Variants in MRPL38 observed in about 807,000 individuals in gnomAD.
MRPL38 encodes the protein mitochondrial ribosomal protein L38, also known as large ribosomal subunit protein mL38.
A neutral mutation model predicts 52.1 loss-of-function variants in MRPL38; 51 were observed. The ratio of observed to expected loss-of-function variants is 0.98; its 90% CI spans 0.78 to 1.24. The LOEUF (loss-of-function observed/expected upper bound fraction) is 1.24. Ranked by LOEUF, MRPL38 falls within the 50% of genes most tolerant of loss-of-function variation. The probability of loss-of-function intolerance (pLI) is 0.00; values close to 1 mark genes in which losing one functional copy is unlikely to be tolerated. For missense variants in MRPL38, 527 were observed against 518.6 expected, an observed-to-expected ratio of 1.02 and a Z score of -0.16; for synonymous variants, 245 against 212.7, an observed-to-expected ratio of 1.15 and a Z score of -1.32.
At position 75,904,852 on chromosome 17, in the gene MRPL38, G is replaced by A. The variant is rs1329639331; in HGVS notation, c.24C>T (p.Ala8=). The A allele has an allele frequency of 3.3e-6, 5 of 1,494,560 alleles. No individual in the cohort carries two copies. The highest frequency in any genetic ancestry group is 5.4e-5 in the East Asian group (2 of 36,984). The allele number at this position is 1,494,560 out of a possible 1,614,324, so 92.6% of individuals were successfully genotyped here. Residue 8 remains alanine (A), a synonymous_variant, in exon 1 of 9, where the codon GCC becomes GCT. Transcript: ENST00000309352. Reference sequence around the variant, plus strand: ...GCCATCTCCGACACTCGCACAGCGCGGCTCGCCACCAGGGCGCCGCCATCT... The same window carrying A: ...GCCATCTCCGACACTCGCACAGCGCAGCTCGCCACCAGGGCGCCGCCATCT... MAAPWWR[A]ALCECRRWRG...
At chr17:75,904,451 G>A in intron 2 of MRPL38, 89 bp downstream of exon 2, 1 of 1,372,904 alleles carries the variant, frequency 7.3e-7, no homozygotes, top group Middle Eastern at 2.1e-4. Flanking sequence ...AAGGGCGCCG[G>A]CAAGGCTCGC....
rs2065387600 is a variant in MRPL38 at position 75,898,740 on chromosome 17, G to T, written c.*110C>A. The T allele has an allele frequency of 3.6e-6, 5 of 1,384,480 alleles. No homozygotes were observed. The highest frequency in any genetic ancestry group is 5.0e-6 in the Non-Finnish European group (5 of 1,009,902). 85.8% of individuals were successfully genotyped at this position (1,384,480 alleles called of 1,614,324 possible). A position where few individuals can be genotyped will look rare whatever the true frequency, so the allele number is the denominator to read the frequency against. On this transcript the variant is annotated 3_prime_UTR_variant, in exon 9 of 9. Transcript: ENST00000309352. Reference sequence around the variant, plus strand: ...GGCCTGACGGGAGGGGGCCAAAGAGGGGGGCTGCCTAAGGCAGGGCCCAGA... The same window carrying T: ...GGCCTGACGGGAGGGGGCCAAAGAGTGGGGCTGCCTAAGGCAGGGCCCAGA...
At chr17:75,900,784 T>A in intron 6 of MRPL38, 198 bp downstream of exon 6, 1 of 1,402,648 alleles carries the variant, frequency 7.1e-7, no homozygotes, top group East Asian at 2.6e-5. Flanking sequence ...CGAGGCCTAC[T>A]GCAAACTTTG....
intron 7 of MRPL38, 46 bp from the exon 8 acceptor site, chr17:75,899,340 G>A (rs367578841): frequency 6.3e-7 from 1 of 1,596,876 alleles, no homozygotes. Flanking sequence ...TGGGGCACCA[G>A]AGCCCCTCAC....
In MRPL38 at chr17:75,901,937, C is replaced by T; in HGVS notation, c.383-17G>A. 6.2e-7 allele frequency: 1 copy of T among 1,609,372 alleles called. No homozygotes were observed. Among genetic ancestry groups the T allele is most frequent in the Non-Finnish European group, 8.5e-7 (1 of 1,177,476 alleles). On this transcript the variant is annotated splice_polypyrimidine_tract_variant and intron_variant, in intron 3 of 8. Transcript: ENST00000309352. This position sits in a 1 kb window ranked among gnomAD's most constrained non-coding sequence, Gnocchi z 5.7. The stretch of plus-strand genomic sequence containing the variant: ...GGACACTGGCTAGACAGGAATAAGG[C>T]CAGTTGGGATACGGGGGTGGGGGGG...
At chr17:75,900,955 C>T in intron 6 of MRPL38, 27 bp downstream of exon 6, 1 of 1,609,300 alleles carries the variant, frequency 6.2e-7, no homozygotes. Context: ...GGGCAGCACC[C>T]CCTACCCCCA....
Position 75,904,594 on chromosome 17 carries a change from C to T in MRPL38, c.193G>A (p.Ala65Thr). The T allele has an allele frequency of 1.3e-6, 2 of 1,590,446 alleles. No homozygotes were observed. Among genetic ancestry groups the T allele is most frequent in the Non-Finnish European group, 1.7e-6 (2 of 1,175,964 alleles). ...GTCCGCCACCAGTGCGGGGCCTGCG[C>T]CTCCTGCTCTGCTCGGCGCCGGTAG... ...DRYRRRAEQE[A>T]QAPHWWRTYR... is the part of the protein sequence containing the mutation. Residue 65 changes from alanine (A) to threonine (T), a missense_variant, in exon 2 of 9, where the codon GCG (alanine) becomes ACG (threonine). Transcript: ENST00000309352.
Position 75,904,275 on chromosome 17 carries a change from G to A in MRPL38, c.247+265C>T, listed in dbSNP as rs997610620. 7.8e-6 allele frequency: 5 copies of A among 640,374 alleles called. No homozygotes were observed. The Admixed American group carries it at 8.4e-5, about 11-fold the overall frequency. The allele number at this position is 640,374 out of a possible 1,614,324, so 39.7% of individuals were successfully genotyped here. On this transcript the variant is annotated intron_variant, in intron 2 of 8. Transcript: ENST00000309352. ...GCATCCCAATCCGGAAAGTCAGGTG[G>A]TCAAGATTTTAGGAGCAAATATTTT...
chr17:75,899,318 G>A (rs2065393122), intron 7 of MRPL38, 24 bp from the exon 8 acceptor site: 5 of 1,608,492 alleles, frequency 3.1e-6, no homozygotes, highest in Non-Finnish European at 4.2e-6. Flanking sequence ...GAGAGCGTAT[G>A]AGAGTGTGGA....
chr17:75,901,987 C>A lies in MRPL38; in HGVS notation c.382+33G>T. 6.2e-7 allele frequency: 1 copy of A among 1,612,346 alleles called. No homozygotes were observed. The highest frequency in any genetic ancestry group is 8.5e-7 in the Non-Finnish European group (1 of 1,178,768). On this transcript the variant is annotated intron_variant, in intron 3 of 8. Coordinates refer to ENST00000309352, the MANE Select transcript of MRPL38 (RefSeq NM_032478.4). The surrounding 1 kb of genome is among the most constrained non-coding windows in gnomAD (Gnocchi z 5.7). Reference sequence around the variant, plus strand: ...GGCAGGGACACACCCTGTACCCCAACTCTGGGATGGCCCCTCCCCTGAGAA... The same window carrying A: ...GGCAGGGACACACCCTGTACCCCAAATCTGGGATGGCCCCTCCCCTGAGAA...
chr17:75,902,192 A>G (rs1440445968), intron 2 of MRPL38, 38 bp from the exon 3 acceptor site: 1 of 1,545,648 alleles, frequency 6.5e-7, no homozygotes, highest in African/African-American at 1.4e-5. Context: ...CAGGGTCATG[A>G]CTCACTGCAG....
rs750505903 is a variant in MRPL38 at position 75,904,672 on chromosome 17, C to A, written c.115G>T (p.Asp39Tyr). 6.3e-6 allele frequency: 10 copies of A among 1,597,292 alleles called. No homozygotes were observed. The highest frequency in any genetic ancestry group is 1.7e-4 in the Middle Eastern group (1 of 6,060). ...TPPLGPMPNS[D>Y]IDLSNLERLE... ...CGCTCCAGGTTGCTCAAGTCGATGT[C>A]ACTGTTGGGCATCGGCCCCAGCGGG... Residue 39 changes from aspartate (D) to tyrosine (Y), a missense_variant, in exon 2 of 9, where the codon GAC becomes TAC. By Grantham distance (160) the Asp-to-Tyr change is radical. Transcript: ENST00000309352.
Position 75,901,049 on chromosome 17 carries a change from G to A in MRPL38, c.665-22C>T, listed in dbSNP as rs762341259. The stretch of plus-strand genomic sequence containing the variant: ...CCATCTGCACAAAAACACACCTGCT[G>A]ACCACGGCCCAGCCGACCACGGCCC... On this transcript the variant is annotated intron_variant, in intron 5 of 8. Coordinates refer to ENST00000309352, the MANE Select transcript of MRPL38 (RefSeq NM_032478.4). This position sits in a 1 kb window ranked among gnomAD's most constrained non-coding sequence, Gnocchi z 5.7. 1 of 1,609,926 alleles carries A rather than the reference G, an allele frequency of 6.2e-7. No individual in the cohort carries two copies. The highest frequency in any genetic ancestry group is 2.2e-5 in the East Asian group (1 of 44,690).
chr17:75,900,644 C>T (rs534504753), intron 6 of MRPL38: 1 of 550,464 alleles, frequency 1.8e-6, no homozygotes, highest in Non-Finnish European at 2.5e-6. Context: ...GCACCTGAGC[C>T]CAGGAGTTAG....
Position 75,899,225 on chromosome 17 carries a change from T to C in MRPL38, c.939A>G (p.Pro313=). 1 of 1,610,872 alleles carries C rather than the reference T, an allele frequency of 6.2e-7. No homozygotes were observed. Among genetic ancestry groups the C allele is most frequent in the Admixed American group, 1.7e-5 (1 of 59,586 alleles). The part of the protein sequence containing the change: ...FYKKHQETMT[P]AGLSFFQCRW... ...GGCACTGGAAGAAGGACAAGCCGGC[T>C]GGAGTCATGGTTTCTTGGTGTTTCT... is the stretch of plus-strand genomic sequence containing the variant. Residue 313 remains proline, a synonymous_variant, in exon 8 of 9, where the codon CCA becomes CCG. Coordinates refer to ENST00000309352, the MANE Select transcript of MRPL38 (RefSeq NM_032478.4).
intron 1 of MRPL38, 39 bp downstream of exon 1, chr17:75,904,770 G>GGGGGGGGGCCCCCCC: frequency 4.0e-6 from 2 of 500,008 alleles, no homozygotes; most frequent in East Asian, 5.2e-5. Flanking sequence ...TCGGGCGACA[G>GGGGGGGGGCCCCCCC]CCCCCCCCCC....
In MRPL38 at chr17:75,901,363, C is replaced by T; in HGVS notation, c.592-90G>A. ...GGAGAAAGGGGTGCCCACTCTGACC[C>T]AAAAGCCCTTGACAACCCCTGGCAC... On this transcript the variant is annotated intron_variant, in intron 4 of 8. Coordinates refer to ENST00000309352, the MANE Select transcript of MRPL38 (RefSeq NM_032478.4). This position sits in a 1 kb window ranked among gnomAD's most constrained non-coding sequence, Gnocchi z 5.7. 1 of 1,319,338 alleles carries T rather than the reference C, an allele frequency of 7.6e-7. No individual in the cohort carries two copies. Among genetic ancestry groups the T allele is most frequent in the Admixed American group, 1.9e-5 (1 of 51,816 alleles). The allele number at this position is 1,319,338 out of a possible 1,614,324, so 81.7% of individuals were successfully genotyped here.
chr17:75,904,584 G>T lies in MRPL38; in HGVS notation c.203C>A (p.Pro68Gln). 1 of 1,584,474 alleles carries T rather than the reference G, an allele frequency of 6.3e-7. No individual in the cohort carries two copies. The highest frequency in any genetic ancestry group is 2.3e-5 in the East Asian group (1 of 44,376). ...RRRAEQEAQA[P>Q]HWWRTYREYF... ...CTCTCGGTAGGTCCGCCACCAGTGC[G>T]GGGCCTGCGCCTCCTGCTCTGCTCG... The change falls in exon 2 of 9, where the codon CCG (proline) becomes CAG (glutamine). Residue 68 changes from proline to glutamine, a missense_variant. Coordinates refer to ENST00000309352, the MANE Select transcript of MRPL38 (RefSeq NM_032478.4).
intron 1 of MRPL38, 41 bp downstream of exon 1, chr17:75,904,768 C>CCGGGGGGGGGGGG: frequency 4.7e-6 from 5 of 1,056,336 alleles, no homozygotes; most frequent in Non-Finnish European, 5.0e-6. Context: ...GCTCGGGCGA[C>CCGGGGGGGGGGGG]AGCCCCCCCC....
Sources: allele counts gnomAD v4.1 joint callset, GRCh38; gene constraint gnomAD v4.1.1; non-coding constraint Gnocchi (gnomAD v3.1); transcripts MANE v1.5; gene names NCBI Gene and HGNC (gene_info 2026-07-23, HGNC 2026-07-21).